Variants in AKR7A3 observed in about 807,000 individuals in gnomAD.
The protein encoded by AKR7A3 is aldo-keto reductase family 7 member A3.
In AKR7A3, 37 loss-of-function variants were observed where a neutral mutation model predicts 32.5. The ratio of observed to expected loss-of-function variants is 1.14; its 90% CI spans 0.88 to 1.50. AKR7A3 has a LOEUF of 1.50. AKR7A3 is among the 40% of genes most tolerant of loss of function. The probability of loss-of-function intolerance (pLI) is 0.00; values close to 1 mark genes in which losing one functional copy is unlikely to be tolerated. For missense variants in AKR7A3, 412 were observed against 453.2 expected, an observed-to-expected ratio of 0.91 and a Z score of 0.83; for synonymous variants, 177 against 188.4, an observed-to-expected ratio of 0.94 and a Z score of 0.50.
At chr1:19,276,726 T>C in the AKR7A3 span, among the ~76,000 whole-genome samples, 1 of 151,398 alleles carries the variant, frequency 6.6e-6, no homozygotes, top group Non-Finnish European at 1.5e-5. Context: ...CACTTCAACC[T>C]GGGAGACAGA....
chr1:19,288,567 A>C lies in AKR7A3; in HGVS notation c.143T>G (p.Val48Gly), dbSNP rs1184017316. The C allele has an allele frequency of 6.2e-7, 1 of 1,609,528 alleles. No individual in the cohort carries two copies. The stretch of plus-strand genomic sequence containing the variant: ...GGTCTCGGACTGGCCCTCGCTGTAC[A>C]CGAAGGCCGTGTCTATCTCGGTGTG... ...RGHTEIDTAF[V>G]YSEGQSETIL... is the part of the protein sequence containing the mutation. The change falls in exon 1 of 7, where the codon GTG becomes GGG. Residue 48 changes from valine to glycine, a missense_variant. Transcript: ENST00000361640.
chr1:19,284,927 G>GA (rs1345282262), intron 4 of AKR7A3, 91 bp downstream of exon 4: 7 of 1,595,060 alleles, frequency 4.4e-6, no homozygotes, highest in Non-Finnish European at 6.0e-6. Flanking sequence ...AGAGGTCAAA[G>GA]TTTGTCAAAC....
At chr1:19,277,241 A>G in the AKR7A3 span, among the ~76,000 whole-genome samples, 2 of 143,010 alleles carry the variant, frequency 1.4e-5, no homozygotes, top group Admixed American at 6.7e-5. Context: ...GAGGGAACTG[A>G]AAATAAGTAA....
chr1:19,285,342 A>T (rs1361887726), intron 3 of AKR7A3, among the ~76,000 whole-genome samples: 3 of 151,918 alleles, frequency 2.0e-5, no homozygotes, highest in Non-Finnish European at 4.4e-5. Context: ...TCAGATTTAG[A>T]TTCTTAAGCC....
intron 1 of AKR7A3, among the ~76,000 whole-genome samples, chr1:19,288,034 C>G (rs2093733962): frequency 3.3e-5 from 5 of 152,164 alleles, no homozygotes; most frequent in Admixed American, 3.3e-4. Flanking sequence ...AAGGAGGAAG[C>G]AGATAGTGTG....
rs2151982134 is a variant in AKR7A3, at chr1:19,285,943, G to A, written c.452C>T (p.Ala151Val). Residue 151 changes from alanine (A) to valine (V), a missense_variant, in exon 3 of 7, where the codon GCC becomes GTC. By Grantham distance (64) the Ala-to-Val change is moderately conservative. Coordinates refer to ENST00000361640, the MANE Select transcript of AKR7A3 (RefSeq NM_012067.3). Reference sequence around the variant, plus strand: ...GCTCTTGCAGAGGGTACAGATCTCGGCCACTTCCCAGGCTGCATAGTTGGA... The same window carrying A: ...GCTCTTGCAGAGGGTACAGATCTCGACCACTTCCCAGGCTGCATAGTTGGA... ...GLSNYAAWEV[A>V]EICTLCKSNG... 2 of 1,613,666 alleles carry A rather than the reference G, an allele frequency of 1.2e-6. No individual in the cohort carries two copies. Among genetic ancestry groups the A allele is most frequent in the Non-Finnish European group, 1.7e-6 (2 of 1,179,900 alleles).
rs1738024 is a variant in AKR7A3 at position 19,284,745 on chromosome 1, A to G, written c.645T>C (p.Asn215=). 17 of 1,613,658 alleles carry G rather than the reference A, an allele frequency of 1.1e-5. 1 individual carries two copies. The highest frequency in any genetic ancestry group is 4.5e-5 in the East Asian group (2 of 44,878). The change falls in exon 5 of 7, where the codon AAT becomes AAC. Residue 215 remains asparagine (N), a synonymous_variant. Coordinates refer to ENST00000361640, the MANE Select transcript of AKR7A3 (RefSeq NM_012067.3). ...AGAAGCGGCCCACGGGCTGTTTCCC[A>G]TTCTTGTCCTCATACTTGTACTTGC... ...LTGKYKYEDK[N]GKQPVGRFFG... is the part of the protein sequence containing the mutation.
the AKR7A3 span, among the ~76,000 whole-genome samples, chr1:19,276,145 G>T: frequency 6.7e-6 from 1 of 150,304 alleles, no homozygotes; most frequent in Non-Finnish European, 1.5e-5. Context: ...GGTGGATCAC[G>T]AGGTCAGGAG....
rs777865262 is a variant in AKR7A3, at chr1:19,285,930, G to A, written c.465C>T (p.Thr155=). The A allele has an allele frequency of 6.2e-6, 10 of 1,613,652 alleles. No homozygotes were observed. In the Middle Eastern group the frequency reaches 5.0e-4, roughly 80 times the overall value. ...GGATCCAGCCGTTGCTCTTGCAGAGGGTACAGATCTCGGCCACTTCCCAGG... is the reference window on the plus strand; with the variant it reads ...GGATCCAGCCGTTGCTCTTGCAGAGAGTACAGATCTCGGCCACTTCCCAGG... The part of the protein sequence containing the change: ...YAAWEVAEIC[T]LCKSNGWILP... The change falls in exon 3 of 7, where the codon ACC becomes ACT. Residue 155 remains threonine (T), a synonymous_variant. Coordinates refer to ENST00000361640, the MANE Select transcript of AKR7A3 (RefSeq NM_012067.3).
In AKR7A3 at chr1:19,284,013, G is replaced by C; in HGVS notation, c.817C>G (p.His273Asp). ...MTSATLRWMY[H>D]HSQLQGAHGD... ...CTGGTTACCTGCAGCTGTGAGTGGT[G>C]GTACATCCACCGGAGGGTGGCCGAG... is the stretch of plus-strand genomic sequence containing the variant. The change falls in exon 6 of 7, where the codon CAC becomes GAC. Residue 273 changes from histidine to aspartate, a missense_variant. Physicochemically the swap from His to Asp is moderately conservative, Grantham distance 81. Coordinates refer to ENST00000361640, the MANE Select transcript of AKR7A3 (RefSeq NM_012067.3). 2 of 1,613,390 alleles carry C rather than the reference G, an allele frequency of 1.2e-6. No individual in the cohort carries two copies. The highest frequency in any genetic ancestry group is 1.1e-5 in the South Asian group (1 of 91,048).
In AKR7A3 at chr1:19,282,653, G is replaced by C; in HGVS notation, c.*78C>G. On this transcript the variant is annotated 3_prime_UTR_variant, in exon 7 of 7. Coordinates refer to ENST00000361640, the MANE Select transcript of AKR7A3 (RefSeq NM_012067.3). Reference sequence around the variant, plus strand: ...ACTTCCATCCCTAAGAATTTACTGAGGCAGTTCTAAATTAAAGAAAATGTG... The same window carrying C: ...ACTTCCATCCCTAAGAATTTACTGACGCAGTTCTAAATTAAAGAAAATGTG... 6.2e-7 allele frequency: 1 copy of C among 1,604,540 alleles called. No individual in the cohort carries two copies.
chr1:19,284,752 T>G lies in AKR7A3; in HGVS notation c.638A>C (p.Asp213Ala). 5.0e-6 allele frequency: 8 copies of G among 1,613,826 alleles called. No homozygotes were observed. The highest frequency in any genetic ancestry group is 6.8e-6 in the Non-Finnish European group (8 of 1,179,980). Residue 213 changes from aspartate to alanine, a missense_variant, in exon 5 of 7, where the codon GAC becomes GCC. Transcript: ENST00000361640. ...GLLTGKYKYE[D>A]KNGKQPVGRF... Reference sequence around the variant, plus strand: ...GCCCACGGGCTGTTTCCCATTCTTGTCCTCATACTTGTACTTGCCGGTCAG... The same window carrying G: ...GCCCACGGGCTGTTTCCCATTCTTGGCCTCATACTTGTACTTGCCGGTCAG...
chr1:19,279,837 G>A (rs554228219), downstream of AKR7A3, among the ~76,000 whole-genome samples: 2 of 151,854 alleles, frequency 1.3e-5, no homozygotes, highest in South Asian at 4.2e-4. Flanking sequence ...CCCACGACCC[G>A]CAGGCCGCAT....
chr1:19,274,574 G>C, the AKR7A3 span, among the ~76,000 whole-genome samples: 1 of 151,738 alleles, frequency 6.6e-6, no homozygotes, highest in Non-Finnish European at 1.5e-5. Context: ...GCTCAAAACA[G>C]CGTCCCCGTG....
rs2093721498 is a variant in AKR7A3, at chr1:19,282,897, A to G, written c.835-5T>C. 1 of 1,609,854 alleles carries G rather than the reference A, an allele frequency of 6.2e-7. No homozygotes were observed. The highest frequency in any genetic ancestry group is 8.5e-7 in the Non-Finnish European group (1 of 1,177,598). On this transcript the variant is annotated splice_polypyrimidine_tract_variant and splice_region_variant and intron_variant, in intron 6 of 6. Transcript: ENST00000361640. Reference sequence around the variant, plus strand: ...GACCGCGTCCCCGTGGGCACCCTGCAAGGGAGACGGCCAGACTTCAACCCT... The same window carrying G: ...GACCGCGTCCCCGTGGGCACCCTGCGAGGGAGACGGCCAGACTTCAACCCT...
Position 19,282,809 on chromosome 1 carries a change from G to C in AKR7A3, c.918C>G (p.Pro306=), listed in dbSNP as rs2093721201. ...EQNLAAAEEG[P]LEPAVVDAFN... ...AGGCGTCCACGACAGCCGGCTCCAGGGGCCCTTCCTCTGCCGCTGCCAAGT... is the reference window on the plus strand; with the variant it reads ...AGGCGTCCACGACAGCCGGCTCCAGCGGCCCTTCCTCTGCCGCTGCCAAGT... Residue 306 remains proline (P), a synonymous_variant, in exon 7 of 7, where the codon CCC becomes CCG. Coordinates refer to ENST00000361640, the MANE Select transcript of AKR7A3 (RefSeq NM_012067.3). The C allele has an allele frequency of 2.0e-5, 32 of 1,613,174 alleles. No individual in the cohort carries two copies. The highest frequency in any genetic ancestry group is 2.6e-5 in the Non-Finnish European group (31 of 1,179,972).
chr1:19,286,410 C>G (rs1163294601), intron 1 of AKR7A3, 38 bp from the exon 2 acceptor site: 1 of 1,599,812 alleles, frequency 6.3e-7, no homozygotes, highest in South Asian at 1.1e-5. Context: ...GGCCAGGCGC[C>G]GTGGCTCATG....
At chr1:19,284,401 C>T (rs2093724942) in intron 5 of AKR7A3, among the ~76,000 whole-genome samples, 1 of 151,928 alleles carries the variant, frequency 6.6e-6, no homozygotes, top group South Asian at 2.1e-4. Context: ...AGGACTCAGC[C>T]CCAGGCCTCC....
downstream of AKR7A3, among the ~76,000 whole-genome samples, chr1:19,282,064 G>A (rs2093719637): frequency 6.6e-6 from 1 of 151,886 alleles, no homozygotes; most frequent in Non-Finnish European, 1.5e-5. Flanking sequence ...TAAGACTTTG[G>A]GTGACTATTG....
Sources: allele counts gnomAD v4.1 joint callset (sites outside exome capture counted in the v4.1 genomes callset), GRCh38; gene constraint gnomAD v4.1.1; transcripts MANE v1.5; gene names NCBI Gene and HGNC (gene_info 2026-07-23, HGNC 2026-07-21).